Variants in COL19A1 observed in about 807,000 individuals in gnomAD.
The protein encoded by COL19A1 is collagen alpha-1(XIX) chain.
COL19A1 carries 159 observed loss-of-function variants against 190.2 expected under a neutral mutation model. The observed-to-expected ratio is 0.84, with a 90% confidence interval of 0.73 to 0.95. The LOEUF is 0.95. Ranked by LOEUF, COL19A1 falls within the 40% of genes least tolerant of loss-of-function variation. The probability of loss-of-function intolerance (pLI) is 0.00; values close to 1 mark genes in which losing one functional copy is unlikely to be tolerated. For missense variants in COL19A1, 1,418 were observed against 1,431.9 expected, an observed-to-expected ratio of 0.99 and a Z score of 0.16; for synonymous variants, 509 against 458.9, an observed-to-expected ratio of 1.11 and a Z score of -1.39.
rs531519423 is a variant in COL19A1 at position 70,127,727 on chromosome 6, T to C, written c.1342-2455T>C. ...AAGAGTTTGTGCAGGGAAACTTCCC[T>C]TTATAAAAGCATCAGATCTCATGAG... On this transcript the variant is annotated intron_variant, in intron 17 of 50. Transcript: ENST00000620364. Among the ~76,000 whole-genome samples, 4 of 152,270 alleles carry C rather than the reference T, an allele frequency of 2.6e-5. No homozygotes were observed. In the East Asian group the frequency reaches 7.7e-4, roughly 29 times the overall value.
At chr6:69,970,792 A>G (rs550675000) in intron 11 of COL19A1, among the ~76,000 whole-genome samples, 1 of 152,294 alleles carries the variant, frequency 6.6e-6, no homozygotes, top group African/African-American at 2.4e-5. Flanking sequence ...TTTAGGAAGG[A>G]CTTACTTGTT....
chr6:69,955,987 T>A (rs942802096), intron 9 of COL19A1, among the ~76,000 whole-genome samples: 2 of 151,984 alleles, frequency 1.3e-5, no homozygotes, highest in Non-Finnish European at 2.9e-5. Flanking sequence ...TTCAATAGAG[T>A]TGGTGCCTCA....
chr6:70,035,982 T>C, intron 14 of COL19A1, 43 bp downstream of exon 14: 2 of 1,571,492 alleles, frequency 1.3e-6, no homozygotes, highest in Non-Finnish European at 8.8e-7. Context: ...AAATCCATTA[T>C]TCTGTTTATT....
chr6:69,946,552 A>G (rs1773821736), intron 9 of COL19A1, among the ~76,000 whole-genome samples: 1 of 151,940 alleles, frequency 6.6e-6, no homozygotes, highest in Non-Finnish European at 1.5e-5. Context: ...TTTACAATTT[A>G]TTATTTTGGC....
intron 48 of COL19A1, among the ~76,000 whole-genome samples, chr6:70,198,170 A>G (rs1179104695): frequency 6.6e-6 from 1 of 152,208 alleles, no homozygotes; most frequent in Non-Finnish European, 1.5e-5. Context: ...CAAGACCTAT[A>G]TCATTTGGGC....
intron 39 of COL19A1, 37 bp from the exon 40 acceptor site, chr6:70,168,618 A>G (rs764577603): frequency 1.3e-5 from 21 of 1,608,850 alleles, no homozygotes; most frequent in Non-Finnish European, 1.7e-5. Context: ...TGCTTTGGTC[A>G]TTATTTGAAA....
chr6:70,165,071 T>A (rs965406398), intron 36 of COL19A1, among the ~76,000 whole-genome samples: 9 of 152,206 alleles, frequency 5.9e-5, no homozygotes, highest in Non-Finnish European at 8.8e-5. Flanking sequence ...AATTCTTTTT[T>A]AATTAACCAT....
intron 27 of COL19A1, among the ~76,000 whole-genome samples, chr6:70,149,430 G>A (rs1158335079): frequency 6.6e-6 from 1 of 152,092 alleles, no homozygotes; most frequent in Non-Finnish European, 1.5e-5. Context: ...CATTCTTTGT[G>A]CCCTCATGAA....
intron 1 of COL19A1, among the ~76,000 whole-genome samples, chr6:69,869,486 G>A (rs1226953945): frequency 1.3e-5 from 2 of 151,946 alleles, no homozygotes; most frequent in Non-Finnish European, 2.9e-5. Context: ...CTCTTTTTAA[G>A]AGAAATCAAA....
In COL19A1 at chr6:70,180,512, T is replaced by A. The variant is rs1374191385; in HGVS notation, c.2764T>A (p.Ser922Thr). The A allele has an allele frequency of 3.1e-6, 5 of 1,614,024 alleles. No homozygotes were observed. The change falls in exon 44 of 51, where the codon TCA (serine) becomes ACA (threonine). Residue 922 changes from serine to threonine, a missense_variant. Ser to Thr is a moderately conservative substitution (Grantham distance 58). Coordinates refer to ENST00000620364, the MANE Select transcript of COL19A1 (RefSeq NM_001858.6). ...DIGFPGPEGP[S>T]GKPGINGKDG... Reference sequence around the variant, plus strand: ...AGGTTTCCCTGGACCAGAAGGACCCTCAGGAAAGCCAGTAAGTACTTCTTA... The same window carrying A: ...AGGTTTCCCTGGACCAGAAGGACCCACAGGAAAGCCAGTAAGTACTTCTTA...
intron 19 of COL19A1, among the ~76,000 whole-genome samples, chr6:70,140,477 G>C (rs565885391): frequency 2.0e-5 from 3 of 151,930 alleles, no homozygotes; most frequent in African/African-American, 7.2e-5. Flanking sequence ...TTTCATTAAA[G>C]TAAAAATAAA....
intron 11 of COL19A1, among the ~76,000 whole-genome samples, chr6:69,967,692 C>T (rs1447594727): frequency 6.6e-6 from 1 of 151,948 alleles, no homozygotes; most frequent in Non-Finnish European, 1.5e-5. Flanking sequence ...TAATCTAGGT[C>T]CTAAAATGCC....
chr6:70,166,104 A>C (rs758604294), intron 37 of COL19A1, 119 bp downstream of exon 37: 193 of 916,796 alleles, frequency 2.1e-4, no homozygotes, highest in Non-Finnish European at 3.2e-4. Context: ...TTTCGTGTAT[A>C]AATATAAATG....
At chr6:69,928,348 A>G (rs1036327581) in intron 5 of COL19A1, among the ~76,000 whole-genome samples, 6 of 152,086 alleles carry the variant, frequency 3.9e-5, no homozygotes, top group Admixed American at 3.9e-4. Flanking sequence ...TAAGTAACAC[A>G]TTCTTCATCT....
At chr6:69,932,356 G>A (rs1193585008) in intron 6 of COL19A1, among the ~76,000 whole-genome samples, 2 of 151,918 alleles carry the variant, frequency 1.3e-5, no homozygotes, top group African/African-American at 4.8e-5. Context: ...CCTCAAATAG[G>A]AGTCTGGAAG....
At chr6:70,032,326 G>T (rs926343894) in intron 12 of COL19A1, among the ~76,000 whole-genome samples, 1 of 152,128 alleles carries the variant, frequency 6.6e-6, no homozygotes, top group African/African-American at 2.4e-5. Flanking sequence ...CAGGATGGGG[G>T]CCATGGTCCA....
chr6:69,921,111 A>AT (rs1206599211), intron 4 of COL19A1, among the ~76,000 whole-genome samples: 18 of 122,696 alleles, frequency 1.5e-4, no homozygotes, highest in African/African-American at 4.6e-4. Flanking sequence ...ATATTCATAT[A>AT]CATATATATC....
chr6:70,093,323 C>A (rs1297741925), intron 15 of COL19A1, among the ~76,000 whole-genome samples: 1 of 152,064 alleles, frequency 6.6e-6, no homozygotes, highest in African/African-American at 2.4e-5. Flanking sequence ...TAAAATACAT[C>A]ACAGTATATT....
intron 2 of COL19A1, among the ~76,000 whole-genome samples, chr6:69,883,618 G>T (rs1041134647): frequency 6.6e-6 from 1 of 152,194 alleles, no homozygotes; most frequent in African/African-American, 2.4e-5. Flanking sequence ...GCAAACTGGT[G>T]TATAAGTAAT....
Sources: gnomAD v4.1 joint callset for allele counts (sites outside exome capture counted in the v4.1 genomes callset) on GRCh38, gnomAD v4.1.1 for gene constraint, MANE v1.5 for transcripts, NCBI Gene and HGNC (gene_info 2026-07-23, HGNC 2026-07-21) for gene names.